Variants in JAZF1 observed in about 807,000 individuals in gnomAD.
JAZF1 encodes JAZF zinc finger 1.
In JAZF1, 8 loss-of-function variants were observed where a neutral mutation model predicts 26.4. The observed-to-expected ratio is 0.30, with a 90% confidence interval of 0.18 to 0.55. JAZF1 has a LOEUF of 0.55. Among genes scored for constraint, JAZF1 ranks in the 20% least tolerant of loss-of-function variants. The pLI, the probability that JAZF1 is intolerant of heterozygous loss-of-function variation, is 0.94. For missense variants in JAZF1, 199 were observed against 322.0 expected, an observed-to-expected ratio of 0.62 and a Z score of 2.92; for synonymous variants, 126 against 122.3, an observed-to-expected ratio of 1.03 and a Z score of -0.20.
intron 2 of JAZF1, among the ~76,000 whole-genome samples, chr7:27,897,265 C>T (rs536528058): frequency 4.6e-5 from 7 of 152,232 alleles, no homozygotes; most frequent in African/African-American, 1.7e-4. Context: ...AAAATAAACA[C>T]GGACATGCTT....
At position 27,840,556 on chromosome 7, in the gene JAZF1, G is replaced by C; in HGVS notation, c.555+142C>G. ...GGCACCTGTGTGCACACAGGGGTGA[G>C]GCCCACGCACTCTAATGCAGGAGAG... On this transcript the variant is annotated intron_variant, in intron 4 of 4. Coordinates refer to ENST00000283928, the MANE Select transcript of JAZF1 (RefSeq NM_175061.4). The surrounding 1 kb of genome is among the most constrained non-coding windows in gnomAD (Gnocchi z 5.1). The C allele has an allele frequency of 3.5e-6, 3 of 854,026 alleles. No homozygotes were observed. Among genetic ancestry groups the C allele is most frequent in the Non-Finnish European group, 5.6e-6 (3 of 539,154 alleles). 52.9% of individuals were successfully genotyped at this position (854,026 alleles called of 1,614,324 possible). A position where few individuals can be genotyped will look rare whatever the true frequency, so the allele number is the denominator to read the frequency against.
At chr7:28,022,797 T>C (rs1042432664) in intron 1 of JAZF1, among the ~76,000 whole-genome samples, 2 of 152,168 alleles carry the variant, frequency 1.3e-5, no homozygotes, top group African/African-American at 4.8e-5. Flanking sequence ...GTCTCTGTTG[T>C]CCAGGCTGGA....
At chr7:28,172,396 ATGAC>A (rs1433527814) in intron 1 of JAZF1, among the ~76,000 whole-genome samples, 1 of 152,194 alleles carries the variant, frequency 6.6e-6, no homozygotes, top group African/African-American at 2.4e-5. Context: ...TTCTCGTGCA[ATGAC>A]TAACTTTAAA....
chr7:27,856,481 G>C (rs764358859), intron 3 of JAZF1, among the ~76,000 whole-genome samples: 6 of 152,202 alleles, frequency 3.9e-5, no homozygotes, highest in Non-Finnish European at 7.3e-5. Context: ...GATTCAGGCA[G>C]CCTGCTTTTA....
chr7:27,841,806 C>T (rs1782930254), intron 3 of JAZF1: 1 of 152,094 alleles, frequency 6.6e-6, no homozygotes, highest in African/African-American at 2.4e-5. Flanking sequence ...CACAATACAA[C>T]CCTGAAGGAC....
intron 2 of JAZF1, among the ~76,000 whole-genome samples, chr7:27,908,028 T>TA (rs1402525925): frequency 6.6e-6 from 1 of 152,234 alleles, no homozygotes; most frequent in Non-Finnish European, 1.5e-5. Flanking sequence ...GGGCATTTGG[T>TA]ACATACTTTA....
At chr7:28,063,932 T>C (rs1193003177) in intron 1 of JAZF1, among the ~76,000 whole-genome samples, 3 of 152,150 alleles carry the variant, frequency 2.0e-5, no homozygotes, top group Non-Finnish European at 4.4e-5. Flanking sequence ...AGTGTGAAAG[T>C]TACCAAAATG....
chr7:27,878,320 T>C (rs532815480), intron 3 of JAZF1, among the ~76,000 whole-genome samples: 16 of 152,282 alleles, frequency 1.1e-4, no homozygotes, highest in African/African-American at 3.6e-4. Flanking sequence ...TCCAAATTTT[T>C]TGACCATGAT....
chr7:28,179,088 T>C (rs1583601822), intron 1 of JAZF1, among the ~76,000 whole-genome samples: 2 of 152,358 alleles, frequency 1.3e-5, no homozygotes, highest in East Asian at 3.9e-4. Flanking sequence ...CTCTCAACTT[T>C]GTAGAAACGT....
At chr7:27,859,828 C>G (rs917568675) in intron 3 of JAZF1, among the ~76,000 whole-genome samples, 1 of 152,140 alleles carries the variant, frequency 6.6e-6, no homozygotes, top group Non-Finnish European at 1.5e-5. Flanking sequence ...TGTAACAAAC[C>G]TGCACGTTCT....
At chr7:28,092,071 C>T (rs1441794715) in intron 1 of JAZF1, among the ~76,000 whole-genome samples, 1 of 151,838 alleles carries the variant, frequency 6.6e-6, no homozygotes, top group African/African-American at 2.4e-5. Flanking sequence ...TCTTTCCTCT[C>T]ATTGAGGGTA....
chr7:27,888,667 A>G (rs1413460501), intron 3 of JAZF1, among the ~76,000 whole-genome samples: 1 of 152,222 alleles, frequency 6.6e-6, no homozygotes, highest in African/African-American at 2.4e-5. Context: ...AATTTATTGT[A>G]AAAGCCATAA....
chr7:27,857,794 T>G (rs566076639), intron 3 of JAZF1, among the ~76,000 whole-genome samples: 95 of 152,284 alleles, frequency 6.2e-4, no homozygotes, highest in African/African-American at 2.1e-3. Flanking sequence ...TCATACTGAA[T>G]GGGCAAAAGC....
At chr7:27,909,410 A>C (rs1378006010) in intron 2 of JAZF1, among the ~76,000 whole-genome samples, 3 of 151,940 alleles carry the variant, frequency 2.0e-5, no homozygotes, top group Non-Finnish European at 4.4e-5. Flanking sequence ...TTTCAAAAAA[A>C]AAAAACCCAC....
intron 1 of JAZF1, chr7:28,020,436 G>A: frequency 5.3e-6 from 2 of 375,630 alleles, no homozygotes; most frequent in East Asian, 7.3e-5. Flanking sequence ...GGAAACAAAC[G>A]AGGAGAGCCA....
At chr7:27,933,785 C>G (rs528285852) in intron 2 of JAZF1, among the ~76,000 whole-genome samples, 1 of 152,202 alleles carries the variant, frequency 6.6e-6, no homozygotes, top group Non-Finnish European at 1.5e-5. Context: ...TTCTGGCAAG[C>G]TTGGCAGACT....
intron 1 of JAZF1, among the ~76,000 whole-genome samples, chr7:28,062,931 T>TA (rs1364906207): frequency 9.2e-5 from 14 of 152,226 alleles, no homozygotes; most frequent in Non-Finnish European, 2.9e-5. Flanking sequence ...ATACACCACT[T>TA]ACTCTATCCA....
At chr7:27,894,138 C>T (rs1177330744) in intron 3 of JAZF1, among the ~76,000 whole-genome samples, 1 of 152,184 alleles carries the variant, frequency 6.6e-6, no homozygotes, top group Non-Finnish European at 1.5e-5. Flanking sequence ...CCAATATCCT[C>T]CAACAGGTGT....
At chr7:28,048,551 A>G (rs1783535116) in intron 1 of JAZF1, among the ~76,000 whole-genome samples, 1 of 152,160 alleles carries the variant, frequency 6.6e-6, no homozygotes, top group African/African-American at 2.4e-5. Context: ...TCAAGACTAT[A>G]ATTTGTTCTC....
Sources: allele counts gnomAD v4.1 joint callset (sites outside exome capture counted in the v4.1 genomes callset), GRCh38; gene constraint gnomAD v4.1.1; non-coding constraint Gnocchi (gnomAD v3.1); transcripts MANE v1.5; gene names NCBI Gene and HGNC (gene_info 2026-07-23, HGNC 2026-07-21).